Variants in NTN1 observed in about 807,000 individuals in gnomAD.
NTN1 encodes the protein netrin-1.
In NTN1, 11 loss-of-function variants were observed where a neutral mutation model predicts 54.2. The ratio of observed to expected loss-of-function variants is 0.20; its 90% CI spans 0.13 to 0.34. The LOEUF is 0.34. NTN1 is among the 10% of genes least tolerant of loss of function. The pLI is 1.00. For missense variants in NTN1, 740 were observed against 893.1 expected (o/e 0.83, Z 2.18); for synonymous variants, 371 against 382.0 (o/e 0.97, Z 0.33).
chr17:9,098,714 G>A (rs544289422), intron 2 of NTN1, among the ~76,000 whole-genome samples: 21 of 152,302 alleles, frequency 1.4e-4, no homozygotes, highest in African/African-American at 4.8e-4. Context: ...AGAGGTTAGT[G>A]AGATGCTGCT....
At chr17:9,087,333 G>A (rs2092092796) in intron 2 of NTN1, among the ~76,000 whole-genome samples, 1 of 152,188 alleles carries the variant, frequency 6.6e-6, no homozygotes, top group African/African-American at 2.4e-5. Context: ...CAAAGAGGCT[G>A]TGTGGCCAGA....
intron 5 of NTN1, among the ~76,000 whole-genome samples, chr17:9,207,639 TC>T (rs1277966836): frequency 6.6e-6 from 1 of 152,130 alleles, no homozygotes; most frequent in African/African-American, 2.4e-5. Flanking sequence ...CCTTTCCACT[TC>T]CCAGCATCCT....
chr17:9,238,813 A>G (rs1275671427), intron 6 of NTN1, among the ~76,000 whole-genome samples: 4 of 152,218 alleles, frequency 2.6e-5, no homozygotes, highest in African/African-American at 7.2e-5. Flanking sequence ...CTCTGAGTCA[A>G]TGACATCGGC....
At chr17:9,060,662 G>C (rs888064989) in intron 2 of NTN1, among the ~76,000 whole-genome samples, 2 of 152,164 alleles carry the variant, frequency 1.3e-5, no homozygotes, top group African/African-American at 2.4e-5. Context: ...CCATTAGCCA[G>C]CTAGCTCTCA....
intron 2 of NTN1, among the ~76,000 whole-genome samples, chr17:9,145,916 CAAAAAA>C (rs60504172): frequency 7.9e-5 from 7 of 89,000 alleles, no homozygotes; most frequent in Non-Finnish European, 8.9e-5. Context: ...GACTCCATCT[CAAAAAA>C]AAAAAAAAAA....
Position 9,022,988 on chromosome 17 carries a change from C to T in NTN1, c.615C>T (p.Asp205=), listed in dbSNP as rs191233754. Residue 205 remains aspartate, a synonymous_variant, in exon 2 of 7, where the codon GAC becomes GAT. Transcript: ENST00000173229. The part of the protein sequence containing the change: ...KQNEQEAVCT[D]SHTDMRPLSG... ...ACGAGCAGGAGGCCGTGTGCACCGA[C>T]TCGCACACCGACATGCGCCCGCTCT... 1.2e-6 allele frequency: 2 copies of T among 1,610,314 alleles called. No individual in the cohort carries two copies. The highest frequency in any genetic ancestry group is 1.3e-5 in the African/African-American group (1 of 74,952).
chr17:9,146,541 C>T (rs9916578), intron 2 of NTN1, among the ~76,000 whole-genome samples: 5,496 of 152,240 alleles, frequency 0.036, 323 homozygotes, highest in African/African-American at 0.12. Flanking sequence ...CCAATGCACT[C>T]CTACCTCCCA....
chr17:9,141,878 A>G (rs913915730), intron 2 of NTN1, among the ~76,000 whole-genome samples: 1 of 152,112 alleles, frequency 6.6e-6, no homozygotes, highest in Non-Finnish European at 1.5e-5. Flanking sequence ...CCTGGCCAAC[A>G]TGGTGAAACC....
intron 2 of NTN1, among the ~76,000 whole-genome samples, chr17:9,047,537 G>A (rs538875342): frequency 1.3e-5 from 2 of 151,338 alleles, no homozygotes; most frequent in African/African-American, 2.4e-5. Flanking sequence ...ATCTTCAGGC[G>A]CCACTTCTAT....
chr17:9,031,129 C>T (rs2091887215), intron 2 of NTN1, among the ~76,000 whole-genome samples: 1 of 152,184 alleles, frequency 6.6e-6, no homozygotes, highest in African/African-American at 2.4e-5. Flanking sequence ...AGACTCCACA[C>T]TTAATTGAGA....
intron 5 of NTN1, among the ~76,000 whole-genome samples, chr17:9,210,538 T>C (rs769990847): frequency 7.2e-5 from 11 of 151,974 alleles, no homozygotes; most frequent in Non-Finnish European, 1.3e-4. Flanking sequence ...GAAATAGAAA[T>C]GTCACTTTGT....
At position 9,192,008 on chromosome 17, in the gene NTN1, C is replaced by T. The variant is rs145538435; in HGVS notation, c.1411+9039C>T. On this transcript the variant is annotated intron_variant, in intron 5 of 6. Coordinates refer to ENST00000173229, the MANE Select transcript of NTN1 (RefSeq NM_004822.3). ...AAAAAAGTATTAGAGATTAGAGTGA[C>T]ACTGTTTGGAAAATAAAAAGTAATT... Among the ~76,000 whole-genome samples the T allele has an allele frequency of 1.8e-3, 264 of 150,018 alleles. 2 individuals carry two copies. The highest frequency in any genetic ancestry group is 5.9e-3 in the African/African-American group (242 of 40,722).
At chr17:9,203,035 C>T (rs750172958) in intron 5 of NTN1, among the ~76,000 whole-genome samples, 1 of 152,214 alleles carries the variant, frequency 6.6e-6, no homozygotes, top group Non-Finnish European at 1.5e-5. Flanking sequence ...CATTCTCCTG[C>T]CTCAGCCTCC....
chr17:9,051,299 A>G (rs1193191988), intron 2 of NTN1, among the ~76,000 whole-genome samples: 3 of 152,332 alleles, frequency 2.0e-5, no homozygotes, highest in African/African-American at 7.2e-5. Context: ...AGGCCCCACC[A>G]TCCCGGTAAA....
Position 9,243,538 on chromosome 17 carries a change from C to A in NTN1, c.*3570C>A, listed in dbSNP as rs1358624994. 1 of 152,238 alleles carries A rather than the reference C, an allele frequency of 6.6e-6. No homozygotes were observed. The highest frequency in any genetic ancestry group is 2.4e-5 in the African/African-American group (1 of 41,456). The allele number at this position is 152,238 out of a possible 1,614,324, so 9.4% of individuals were successfully genotyped here. A position where few individuals can be genotyped will look rare whatever the true frequency, so the allele number is the denominator to read the frequency against. ...CAGACTAGACCCATTGATGGGGCCA[C>A]TGGCCATGGTCCGTGGACAAGACAT... On this transcript the variant is annotated 3_prime_UTR_variant, in exon 7 of 7. Transcript: ENST00000173229.
chr17:9,093,835 G>A (rs933195057), intron 2 of NTN1, among the ~76,000 whole-genome samples: 29 of 152,154 alleles, frequency 1.9e-4, no homozygotes, highest in Middle Eastern at 3.2e-3. Context: ...TTAGCTGGGC[G>A]TGGTGGCGGG....
the NTN1 span, among the ~76,000 whole-genome samples, chr17:9,013,479 G>T: frequency 6.6e-6 from 1 of 152,094 alleles, no homozygotes; most frequent in African/African-American, 2.4e-5. Flanking sequence ...GCCTCCCAAA[G>T]TGCTGGGATT....
chr17:9,141,300 G>C (rs551936759), intron 2 of NTN1, among the ~76,000 whole-genome samples: 1 of 152,032 alleles, frequency 6.6e-6, no homozygotes, highest in Non-Finnish European at 1.5e-5. Flanking sequence ...AATGAGGGGG[G>C]GGAGAAGGGC....
chr17:9,212,191 G>T lies in NTN1; in HGVS notation c.1412-8977G>T, dbSNP rs1378992314. On this transcript the variant is annotated intron_variant, in intron 5 of 6. Coordinates refer to ENST00000173229, the MANE Select transcript of NTN1 (RefSeq NM_004822.3). The surrounding 1 kb of genome is among the most constrained non-coding windows in gnomAD (Gnocchi z 5.5). ...CTGTGGGCCCCAGCTCTCCCTGACA[G>T]GTGGCTCTACCCCTGGATGAGGTGC... 6.6e-6 allele frequency among the ~76,000 whole-genome samples: 1 copy of T among 152,198 alleles called. No individual in the cohort carries two copies. Among genetic ancestry groups the T allele is most frequent in the Non-Finnish European group, 1.5e-5 (1 of 68,024 alleles).
Sources: gnomAD v4.1 joint callset for allele counts (sites outside exome capture counted in the v4.1 genomes callset) on GRCh38, gnomAD v4.1.1 for gene constraint, Gnocchi (gnomAD v3.1) non-coding constraint, MANE v1.5 for transcripts, NCBI Gene and HGNC (gene_info 2026-07-23, HGNC 2026-07-21) for gene names.